PMS1: variants seen among roughly 807,000 people sequenced by gnomAD.
PMS1 encodes PMS1 homolog 1, mismatch repair system component, also known as PMS1 protein homolog 1.
PMS1 carries 79 observed loss-of-function variants against 93.1 expected under a neutral mutation model. The observed-to-expected ratio is 0.85, with a 90% CI of 0.71 to 1.02. The LOEUF is 1.02. PMS1 is among the 50% of genes least tolerant of loss of function. PMS1 has a pLI of 0.00. For synonymous variants in PMS1, 335 were observed against 363.4 expected (o/e 0.92, Z 0.89); for missense variants, 1,064 against 1,085.3 (o/e 0.98, Z 0.28).
chr2:189,845,609 T>A (rs2054188699), intron 6 of PMS1, among the ~76,000 whole-genome samples: 1 of 152,208 alleles, frequency 6.6e-6, no homozygotes. Flanking sequence ...ATTTCTTATT[T>A]GGATCATATC....
rs1221754349 is a variant in PMS1, at chr2:189,786,628, C to T, written c.-21+2035C>T. Among the ~76,000 whole-genome samples the T allele has an allele frequency of 2.0e-5, 3 of 152,066 alleles. No individual in the cohort carries two copies. In the East Asian group the frequency reaches 5.8e-4, roughly 29 times the overall value. On this transcript the variant is annotated intron_variant, in intron 1 of 12. Transcript: ENST00000441310. Reference sequence around the variant, plus strand: ...TTGTGATCTTGAGCAAGTTACCATGCCTTTAAATCCTATTTGGTGATAAAG... The same window carrying T: ...TTGTGATCTTGAGCAAGTTACCATGTCTTTAAATCCTATTTGGTGATAAAG...
At chr2:189,791,643 CTT>C (rs1316178087) in intron 1 of PMS1, 145 bp from the exon 2 acceptor site, 1 of 593,922 alleles carries the variant, frequency 1.7e-6, no homozygotes, top group African/African-American at 1.9e-5. Context: ...AAATAGAAGA[CTT>C]AATATTGTAT....
chr2:189,817,433 G>T (rs1418766559), intron 4 of PMS1, among the ~76,000 whole-genome samples: 1 of 152,082 alleles, frequency 6.6e-6, no homozygotes, highest in Non-Finnish European at 1.5e-5. Flanking sequence ...TGGTAGTGGT[G>T]TTTTTTTGAG....
chr2:189,824,785 T>C (rs1158597019), intron 5 of PMS1, among the ~76,000 whole-genome samples: 2 of 152,114 alleles, frequency 1.3e-5, no homozygotes, highest in African/African-American at 4.8e-5. Flanking sequence ...TTTCTCATAG[T>C]AGATTTTTTT....
At chr2:189,861,785 G>T (rs1453321941) in intron 9 of PMS1, among the ~76,000 whole-genome samples, 1 of 150,968 alleles carries the variant, frequency 6.6e-6, no homozygotes, top group Non-Finnish European at 1.5e-5. Context: ...ATCTGGCTCT[G>T]CATTGCTCTT....
At chr2:189,844,314 A>T (rs937248811) in intron 6 of PMS1, among the ~76,000 whole-genome samples, 1 of 152,108 alleles carries the variant, frequency 6.6e-6, no homozygotes, top group Non-Finnish European at 1.5e-5. Flanking sequence ...AATTATGTTC[A>T]ATTTAGAATC....
intron 11 of PMS1, among the ~76,000 whole-genome samples, chr2:189,869,492 G>A (rs73042354): frequency 0.049 from 7,472 of 152,106 alleles, 295 homozygotes; most frequent in African/African-American, 0.1. Flanking sequence ...ATTATATGGC[G>A]TTGGTGGCAG....
intron 7 of PMS1, 61 bp from the exon 8 acceptor site, chr2:189,853,878 G>T (rs2055046803): frequency 9.1e-7 from 1 of 1,094,968 alleles, no homozygotes; most frequent in African/African-American, 1.6e-5. Flanking sequence ...AATTTGCTGG[G>T]TTTTATTGTA....
intron 2 of PMS1, among the ~76,000 whole-genome samples, chr2:189,795,379 C>G (rs113953983): frequency 1.3e-5 from 2 of 152,144 alleles, no homozygotes; most frequent in Non-Finnish European, 2.9e-5. Flanking sequence ...GTTACTTTGT[C>G]GCTGATGGAG....
intron 1 of PMS1, among the ~76,000 whole-genome samples, chr2:189,789,391 T>C (rs1040345743): frequency 6.6e-6 from 1 of 152,198 alleles, no homozygotes; most frequent in Non-Finnish European, 1.5e-5. Context: ...TTGCTGAGTT[T>C]ATGTGTAATA....
intron 4 of PMS1, among the ~76,000 whole-genome samples, chr2:189,809,169 T>G (rs2050603950): frequency 1.3e-5 from 2 of 152,214 alleles, no homozygotes; most frequent in African/African-American, 4.8e-5. Flanking sequence ...ATGGACCTTT[T>G]ATTCCTTAAA....
intron 6 of PMS1, among the ~76,000 whole-genome samples, chr2:189,847,982 G>A: frequency 6.6e-6 from 1 of 152,104 alleles, no homozygotes; most frequent in Non-Finnish European, 1.5e-5. Context: ...GAAAATTCAG[G>A]CCAACCTTAG....
At chr2:189,862,822 G>A (rs540090656) in intron 9 of PMS1, among the ~76,000 whole-genome samples, 1 of 152,330 alleles carries the variant, frequency 6.6e-6, no homozygotes, top group African/African-American at 2.4e-5. Flanking sequence ...CCATGAAACT[G>A]TGGAATTCAG....
At chr2:189,787,277 G>A (rs535816206) in intron 1 of PMS1, among the ~76,000 whole-genome samples, 2 of 152,126 alleles carry the variant, frequency 1.3e-5, no homozygotes, top group Non-Finnish European at 2.9e-5. Flanking sequence ...TAATGTTTGC[G>A]TTAGCATAAG....
At chr2:189,822,228 G>A (rs766112729) in intron 5 of PMS1, among the ~76,000 whole-genome samples, 4 of 152,192 alleles carry the variant, frequency 2.6e-5, no homozygotes, top group Non-Finnish European at 4.4e-5. Flanking sequence ...CACCCTGGTC[G>A]GGGAGAGTCC....
chr2:189,854,224 A>G lies in PMS1; in HGVS notation c.967-15A>G. On this transcript the variant is annotated splice_polypyrimidine_tract_variant and intron_variant, in intron 8 of 12. Transcript: ENST00000441310. ...TTCATAATTTCCCCTAACATTTGTT[A>G]ATTTGTATTTTTAGGAATCTGTTTT... is the stretch of plus-strand genomic sequence containing the variant. 1.3e-6 allele frequency: 2 copies of G among 1,566,256 alleles called. No homozygotes were observed. The highest frequency in any genetic ancestry group is 2.4e-5 in the South Asian group (2 of 82,270).
chr2:189,847,862 C>T (rs1319915451), intron 6 of PMS1, among the ~76,000 whole-genome samples: 2 of 152,068 alleles, frequency 1.3e-5, no homozygotes, highest in African/African-American at 4.8e-5. Flanking sequence ...GCTACTATGT[C>T]CCTTCCCATT....
rs957893881 is a variant in PMS1, at chr2:189,857,139, C to T, written c.1856+2011C>T. Reference sequence around the variant, plus strand: ...TATGATACAAGATCAATTACTAACACATAGTAAATGATTGCTCACAATGTC... The same window carrying T: ...TATGATACAAGATCAATTACTAACATATAGTAAATGATTGCTCACAATGTC... On this transcript the variant is annotated intron_variant, in intron 9 of 12. Transcript: ENST00000441310. Among the ~76,000 whole-genome samples, 5 of 152,164 alleles carry T rather than the reference C, an allele frequency of 3.3e-5. No individual in the cohort carries two copies. The South Asian group carries it at 1.0e-3, about 32-fold the overall frequency.
At chr2:189,822,285 A>G (rs1392972377) in intron 5 of PMS1, among the ~76,000 whole-genome samples, 1 of 152,202 alleles carries the variant, frequency 6.6e-6, no homozygotes, top group African/African-American at 2.4e-5. Flanking sequence ...TACCGACCTT[A>G]CTAGAAAGAT....
Sources: gnomAD v4.1 joint callset for allele counts (sites outside exome capture counted in the v4.1 genomes callset) on GRCh38, gnomAD v4.1.1 for gene constraint, MANE v1.5 for transcripts, NCBI Gene and HGNC (gene_info 2026-07-23, HGNC 2026-07-21) for gene names.